The following OR1B1 variants were observed in gnomAD, a reference collection of about 807,000 sequenced individuals.
OR1B1 encodes the protein olfactory receptor family 1 subfamily B member 1.
For missense variants in OR1B1, 414 were observed against 402.1 expected, an observed-to-expected ratio of 1.03 and a Z score of -0.25; for synonymous variants, 168 against 156.2, an observed-to-expected ratio of 1.08 and a Z score of -0.57.
At chr9:122,629,511 A>G (rs1308564915) in exon 1 of OR1B1, 1 of 1,610,428 alleles carries the variant, frequency 6.2e-7, no homozygotes, top group South Asian at 1.1e-5. Flanking sequence ...GGAGAGTGTG[A>G]AGCATTAGGG....
chr9:122,637,035 A>C, the OR1B1 span: 1 of 152,244 alleles, frequency 6.6e-6, no homozygotes, highest in Non-Finnish European at 1.5e-5. Context: ...TTAGGTACTA[A>C]AATTCCAACA....
the OR1B1 span, among the ~76,000 whole-genome samples, chr9:122,652,266 A>G: frequency 2.0e-5 from 3 of 152,252 alleles, no homozygotes; most frequent in Non-Finnish European, 4.4e-5. Flanking sequence ...ATCAATTAAT[A>G]TTCATTAAAA....
At chr9:122,645,079 C>T in the OR1B1 span, among the ~76,000 whole-genome samples, 202 of 152,176 alleles carry the variant, frequency 1.3e-3, no homozygotes, top group Admixed American at 3.2e-3. Context: ...AGAATTTTCA[C>T]AAAGAGATTG....
upstream of OR1B1, among the ~76,000 whole-genome samples, chr9:122,629,989 C>A (rs995089196): frequency 6.6e-6 from 1 of 152,178 alleles, no homozygotes; most frequent in African/African-American, 2.4e-5. Context: ...AAATAACATA[C>A]CATTAAAACA....
the OR1B1 span, among the ~76,000 whole-genome samples, chr9:122,647,741 G>A: frequency 6.2e-4 from 95 of 152,256 alleles, no homozygotes; most frequent in Non-Finnish European, 1.1e-3. Context: ...ATTTGACTCT[G>A]TGCTACAGGA....
chr9:122,636,034 T>C, the OR1B1 span, among the ~76,000 whole-genome samples: 1 of 152,210 alleles, frequency 6.6e-6, no homozygotes, highest in East Asian at 1.9e-4. Flanking sequence ...GGATACTGTT[T>C]TCTCTTTCAT....
At chr9:122,647,237 C>G in the OR1B1 span, among the ~76,000 whole-genome samples, 2 of 152,026 alleles carry the variant, frequency 1.3e-5, no homozygotes, top group South Asian at 4.1e-4. Flanking sequence ...GAAATAATAT[C>G]AAGCATCTTC....
Position 122,629,247 on chromosome 9 carries a change from C to T in OR1B1, c.289G>A (p.Ala97Thr). 6.2e-6 allele frequency: 10 copies of T among 1,614,040 alleles called. No individual in the cohort carries two copies. The highest frequency in any genetic ancestry group is 7.6e-6 in the Non-Finnish European group (9 of 1,180,014). ...AAAAAGAACTGAGCCAAGCAGCGGGCAGCAGGAATGGTTGGGTAATGAGAG... is the reference window on the plus strand; with the variant it reads ...AAAAAGAACTGAGCCAAGCAGCGGGTAGCAGGAATGGTTGGGTAATGAGAG... The change falls in exon 1 of 1, where the codon GCC becomes ACC. Residue 97 changes from alanine (A) to threonine (T), a missense_variant. Coordinates refer to ENST00000623530, the Ensembl canonical transcript of OR1B1.
At chr9:122,645,399 A>C in the OR1B1 span, among the ~76,000 whole-genome samples, 1 of 152,144 alleles carries the variant, frequency 6.6e-6, no homozygotes. Context: ...AACTTCACAA[A>C]CCTAGAGAAA....
In OR1B1 at chr9:122,629,532, T is replaced by C. The variant is rs775717473; in HGVS notation, c.4A>G (p.Met2Val). Residue 2 changes from methionine (M) to valine (V), a missense_variant, in exon 1 of 1, where the codon ATG becomes GTG. Met to Val is a conservative substitution (Grantham distance 21). Coordinates refer to ENST00000623530, the Ensembl canonical transcript of OR1B1. Reference sequence around the variant, plus strand: ...TGTGAAGCATTAGGGGCAAAGCTCATCATGAGTGACAGTCAGCCTGCCTGA... The same window carrying C: ...TGTGAAGCATTAGGGGCAAAGCTCACCATGAGTGACAGTCAGCCTGCCTGA... 1.9e-6 allele frequency: 3 copies of C among 1,589,448 alleles called. No homozygotes were observed. The Admixed American group carries it at 5.2e-5, about 28-fold the overall frequency.
chr9:122,652,033 T>G, the OR1B1 span, among the ~76,000 whole-genome samples: 1 of 152,198 alleles, frequency 6.6e-6, no homozygotes, highest in Admixed American at 6.5e-5. Context: ...ACTCCTGGCC[T>G]CAAGTGGTCG....
rs1441493729 is a variant in OR1B1, at chr9:122,628,628, AC to A, written c.907del (p.Val303SerfsTer12). ...AAGCAGCCTGCAGAGTGCACCCTTGACATCCTTATTGTGGAGGCTATACACA... is the reference window on the plus strand; with the variant it reads ...AAGCAGCCTGCAGAGTGCACCCTTGAATCCTTATTGTGGAGGCTATACACA... On this transcript the variant is annotated frameshift_variant, in exon 1 of 1. Transcript: ENST00000623530. LOFTEE classifies it low-confidence loss of function (END_TRUNC). 1 of 1,613,908 alleles carries A rather than the reference AC, an allele frequency of 6.2e-7. No homozygotes were observed. Among genetic ancestry groups the A allele is most frequent in the Non-Finnish European group, 8.5e-7 (1 of 1,179,934 alleles).
At chr9:122,648,447 A>G in the OR1B1 span, among the ~76,000 whole-genome samples, 1 of 152,210 alleles carries the variant, frequency 6.6e-6, no homozygotes, top group African/African-American at 2.4e-5. Context: ...CCCACAGCCA[A>G]TATCACACAG....
the OR1B1 span, among the ~76,000 whole-genome samples, chr9:122,648,660 A>G: frequency 6.6e-6 from 1 of 152,226 alleles, no homozygotes; most frequent in African/African-American, 2.4e-5. Context: ...ATTGCTACAA[A>G]GAGAATAAAA....
At chr9:122,628,707 C>T in exon 1 of OR1B1, 1 of 1,613,964 alleles carries the variant, frequency 6.2e-7, no homozygotes, top group African/African-American at 1.3e-5. Flanking sequence ...GCCACCATGT[C>T]CTGATACTGA....
At chr9:122,629,305 T>C in exon 1 of OR1B1, 2 of 1,614,008 alleles carry the variant, frequency 1.2e-6, no homozygotes, top group African/African-American at 1.3e-5. Context: ...GCAGTGTAAC[T>C]GTGGATAGCC....
At chr9:122,632,324 A>T (rs531172340), upstream of OR1B1, among the ~76,000 whole-genome samples, 1 of 152,344 alleles carries the variant, frequency 6.6e-6, no homozygotes, top group African/African-American at 2.4e-5. Context: ...TTAAAGGCCC[A>T]AAAAGAATTA....
chr9:122,629,433 C>T, exon 1 of OR1B1: 1 of 1,613,864 alleles, frequency 6.2e-7, no homozygotes, highest in Non-Finnish European at 8.5e-7. Context: ...AGGTAAATAG[C>T]CAGGAACAGG....
chr9:122,657,126 AG>A, the OR1B1 span, among the ~76,000 whole-genome samples: 1 of 152,260 alleles, frequency 6.6e-6, no homozygotes, highest in Middle Eastern at 3.4e-3. Context: ...CTGGACCTTT[AG>A]GCTACAAAAG....
Sources: allele counts gnomAD v4.1 joint callset (sites outside exome capture counted in the v4.1 genomes callset), GRCh38; gene constraint gnomAD v4.1.1; transcripts MANE v1.5; gene names NCBI Gene and HGNC (gene_info 2026-07-23, HGNC 2026-07-21).